GNAO1: variants seen among roughly 807,000 people sequenced by gnomAD.
The protein encoded by GNAO1 is guanine nucleotide-binding protein G(o) subunit alpha.
For synonymous variants in GNAO1, 164 were observed against 180.7 expected (o/e 0.91, Z 0.74); for missense variants, 166 against 478.7 (o/e 0.35, Z 6.10).
chr16:56,317,224 T>C (rs1373632127), intron 3 of GNAO1, among the ~76,000 whole-genome samples: 1 of 152,198 alleles, frequency 6.6e-6, no homozygotes, highest in Non-Finnish European at 1.5e-5. Flanking sequence ...TTTGAACTGC[T>C]TTCTGAACCC....
chr16:56,208,417 CAA>C, intron 2 of GNAO1, among the ~76,000 whole-genome samples: 1 of 138,584 alleles, frequency 7.2e-6, no homozygotes, highest in East Asian at 2.2e-4. Context: ...ATGCTGCTAT[CAA>C]TGTGTGTGTG....
At chr16:56,346,345 G>T (rs1354877178) in intron 6 of GNAO1, 5 of 985,296 alleles carry the variant, frequency 5.1e-6, no homozygotes, top group Middle Eastern at 5.2e-4. Flanking sequence ...AATCCACAGT[G>T]GTCCTGCGTG....
At chr16:56,309,355 A>G (rs1167792467) in intron 3 of GNAO1, among the ~76,000 whole-genome samples, 2 of 152,120 alleles carry the variant, frequency 1.3e-5, no homozygotes, top group South Asian at 2.1e-4. Flanking sequence ...GGGAGAGATG[A>G]TAGGAGGAGG....
At chr16:56,221,045 C>T (rs2036481064) in intron 2 of GNAO1, among the ~76,000 whole-genome samples, 1 of 152,112 alleles carries the variant, frequency 6.6e-6, no homozygotes, top group South Asian at 2.1e-4. Flanking sequence ...TGCACCCAGC[C>T]TTGGATTAGC....
At chr16:56,197,702 G>A (rs532857657) in intron 2 of GNAO1, among the ~76,000 whole-genome samples, 9 of 152,332 alleles carry the variant, frequency 5.9e-5, no homozygotes, top group South Asian at 4.1e-4. Context: ...TTAGATTTAC[G>A]ATGCTCAGAG....
chr16:56,243,699 G>A (rs1372829775), intron 2 of GNAO1, among the ~76,000 whole-genome samples: 1 of 152,036 alleles, frequency 6.6e-6, no homozygotes, highest in African/African-American at 2.4e-5. Flanking sequence ...TTTTTTAGCA[G>A]ATATATGTTC....
At chr16:56,222,365 G>C (rs2036498036) in intron 2 of GNAO1, among the ~76,000 whole-genome samples, 1 of 152,108 alleles carries the variant, frequency 6.6e-6, no homozygotes, top group Admixed American at 6.5e-5. Context: ...GAACCACCCT[G>C]CTCCCCACAA....
chr16:56,204,102 G>A (rs2036304446), intron 2 of GNAO1, among the ~76,000 whole-genome samples: 1 of 152,162 alleles, frequency 6.6e-6, no homozygotes, highest in African/African-American at 2.4e-5. Flanking sequence ...ATGACCCCTG[G>A]TGTCTAGTTG....
chr16:56,265,195 G>T (rs2036940642), intron 2 of GNAO1, among the ~76,000 whole-genome samples: 1 of 152,224 alleles, frequency 6.6e-6, no homozygotes, highest in Non-Finnish European at 1.5e-5. Flanking sequence ...GAGGGGTTTG[G>T]TTGAATAGCT....
intron 3 of GNAO1, among the ~76,000 whole-genome samples, chr16:56,320,335 C>T (rs1325420601): frequency 6.6e-6 from 1 of 152,178 alleles, no homozygotes; most frequent in Non-Finnish European, 1.5e-5. Context: ...GACAGCAGCG[C>T]AGCCCACCCC....
At chr16:56,223,549 G>A (rs1333936574) in intron 2 of GNAO1, among the ~76,000 whole-genome samples, 1 of 152,172 alleles carries the variant, frequency 6.6e-6, no homozygotes, top group African/African-American at 2.4e-5. Flanking sequence ...TAAAGTTCCA[G>A]GGATTAGGAT....
At chr16:56,288,720 A>C (rs1446860749) in intron 3 of GNAO1, among the ~76,000 whole-genome samples, 1 of 152,104 alleles carries the variant, frequency 6.6e-6, no homozygotes, top group African/African-American at 2.4e-5. Flanking sequence ...AGTCCCCTGG[A>C]ACTCAGCAGC....
chr16:56,300,054 C>T (rs1023634636), intron 3 of GNAO1, among the ~76,000 whole-genome samples: 8 of 81,534 alleles, frequency 9.8e-5, no homozygotes, highest in Non-Finnish European at 1.4e-4. Flanking sequence ...CGCGCGCGCA[C>T]GCACATGTGC....
chr16:56,272,613 A>G (rs2037028578), intron 2 of GNAO1, among the ~76,000 whole-genome samples: 2 of 152,244 alleles, frequency 1.3e-5, no homozygotes, highest in South Asian at 4.1e-4. Context: ...GATAGAAAGT[A>G]CTGTGAGCTT....
chr16:56,215,340 A>C (rs1399247854), intron 2 of GNAO1, among the ~76,000 whole-genome samples: 4 of 152,224 alleles, frequency 2.6e-5, no homozygotes, highest in African/African-American at 9.7e-5. Context: ...GAGCAAACAC[A>C]CACATGCACT....
At chr16:56,300,036 T>TGTGTGTGTGTGCGCGC (rs753591618) in intron 3 of GNAO1, among the ~76,000 whole-genome samples, 2 of 95,176 alleles carry the variant, frequency 2.1e-5, no homozygotes, top group African/African-American at 4.7e-5. Flanking sequence ...TGTGTGTGTG[T>TGTGTGTGTGTGCGCGC]GCGCGCGCGC....
chr16:56,346,126 TC>T, intron 6 of GNAO1: 1 of 985,584 alleles, frequency 1.0e-6, no homozygotes, highest in Non-Finnish European at 1.2e-6. Flanking sequence ...CTTGCACTGC[TC>T]TCAATCCTCC....
chr16:56,205,248 T>G (rs1441307309), intron 2 of GNAO1, among the ~76,000 whole-genome samples: 5 of 152,130 alleles, frequency 3.3e-5, no homozygotes, highest in African/African-American at 9.7e-5. Flanking sequence ...CTGAAGGTGG[T>G]TCCACAGTAC....
intron 3 of GNAO1, among the ~76,000 whole-genome samples, chr16:56,298,684 G>A (rs1481647969): frequency 2.0e-5 from 3 of 152,124 alleles, no homozygotes; most frequent in South Asian, 2.1e-4. Context: ...AGGCCGAAGC[G>A]GGCAGATCAC....
Sources: allele counts gnomAD v4.1 joint callset (sites outside exome capture counted in the v4.1 genomes callset), GRCh38; gene constraint gnomAD v4.1.1; transcripts MANE v1.5; gene names NCBI Gene and HGNC (gene_info 2026-07-23, HGNC 2026-07-21).